Variants in RGS6 observed in about 807,000 individuals in gnomAD.
The protein encoded by RGS6 is regulator of G-protein signaling 6.
Under a neutral mutation model 78.5 loss-of-function variants are expected in RGS6, and 30 were observed. That is an observed-to-expected ratio of 0.38 (90% confidence interval 0.29 to 0.52). RGS6 has a LOEUF of 0.52. Ranked by LOEUF, RGS6 falls within the 20% of genes least tolerant of loss-of-function variation. The pLI is 0.85. For synonymous variants in RGS6, 206 were observed against 206.0 expected, an observed-to-expected ratio of 1.00 and a Z score of 0.00; for missense variants, 495 against 609.7, an observed-to-expected ratio of 0.81 and a Z score of 1.98.
At chr14:72,161,157 C>T (rs370660153) in intron 2 of RGS6, among the ~76,000 whole-genome samples, 11 of 152,148 alleles carry the variant, frequency 7.2e-5, no homozygotes, top group East Asian at 3.9e-4. Context: ...AACCAAACAC[C>T]GCATGTTCTC....
the RGS6 span, among the ~76,000 whole-genome samples, chr14:71,925,752 C>T: frequency 0.18 from 23,223 of 132,214 alleles, 2,039 homozygotes; most frequent in African/African-American, 0.28. Context: ...GGTTTATTTC[C>T]GGGCTTCCTC....
At chr14:72,238,604 C>T (rs1207850237) in intron 2 of RGS6, among the ~76,000 whole-genome samples, 1 of 152,034 alleles carries the variant, frequency 6.6e-6, no homozygotes, top group African/African-American at 2.4e-5. Context: ...CTTGTTTTCT[C>T]AGTGTGTATA....
At chr14:72,376,852 C>T (rs747336032) in intron 3 of RGS6, among the ~76,000 whole-genome samples, 22 of 151,856 alleles carry the variant, frequency 1.4e-4, no homozygotes, top group East Asian at 1.9e-4. Context: ...CATCTAGAAG[C>T]GAAAAGACAA....
At chr14:72,625,760 A>G in the RGS6 span, among the ~76,000 whole-genome samples, 2 of 152,224 alleles carry the variant, frequency 1.3e-5, no homozygotes, top group Non-Finnish European at 2.9e-5. Flanking sequence ...AACACATTGT[A>G]TGTAAAATCA....
intron 4 of RGS6, among the ~76,000 whole-genome samples, chr14:72,457,760 A>C (rs2095668994): frequency 6.6e-6 from 1 of 152,166 alleles, no homozygotes; most frequent in African/African-American, 2.4e-5. Flanking sequence ...TCTGTCCATA[A>C]GAGAAGGGTG....
chr14:71,870,117 A>G, the RGS6 span, among the ~76,000 whole-genome samples: 9 of 152,326 alleles, frequency 5.9e-5, no homozygotes, highest in Admixed American at 5.9e-4. Flanking sequence ...TCTTTTGGGC[A>G]TCACCCAATC....
intron 2 of RGS6, among the ~76,000 whole-genome samples, chr14:72,235,035 C>G (rs74824797): frequency 0.014 from 2,202 of 152,174 alleles, 28 homozygotes; most frequent in Non-Finnish European, 0.021. Context: ...TTTCCTAGCT[C>G]CCATTGCCAT....
intron 8 of RGS6, among the ~76,000 whole-genome samples, chr14:72,472,163 C>G (rs7160487): frequency 0.017 from 1,682 of 96,446 alleles, 13 homozygotes; most frequent in African/African-American, 0.048. Context: ...GTAATACATG[C>G]TTTTTTAAGA....
chr14:72,606,738 T>C, the RGS6 span, among the ~76,000 whole-genome samples: 1 of 152,126 alleles, frequency 6.6e-6, no homozygotes, highest in African/African-American at 2.4e-5. Context: ...TAGTGGGAAG[T>C]GTTTGGGTCG....
At chr14:71,976,204 CTTTTCTTTCTTTT>C (rs2094115443) in intron 2 of RGS6, among the ~76,000 whole-genome samples, 1 of 148,488 alleles carries the variant, frequency 6.7e-6, no homozygotes, top group African/African-American at 2.5e-5. Context: ...TTCTACTAAC[CTTTTCTTTCTTTT>C]TTTTCTTTTT....
rs138696553 is a variant in RGS6 at position 72,168,621 on chromosome 14, TAATTA to T, written c.85-183468_85-183464del. 2.7e-3 allele frequency among the ~76,000 whole-genome samples: 415 copies of T among 152,350 alleles called. 1 individual carries two copies. Among genetic ancestry groups the T allele is most frequent in the African/African-American group, 9.7e-3 (403 of 41,576 alleles). ...ATACTATTGGGTTAAATAAAATATA[TAATTA>T]AATTAGTTCTAACTGTTTTTTTCTA... is the stretch of plus-strand genomic sequence containing the variant. On this transcript the variant is annotated intron_variant, in intron 2 of 17. Transcript: ENST00000553525.
chr14:71,909,341 C>A, the RGS6 span, among the ~76,000 whole-genome samples: 142 of 152,234 alleles, frequency 9.3e-4, 1 homozygote, highest in African/African-American at 3.3e-3. Flanking sequence ...GTATCGGGAC[C>A]CTCTCTTCGG....
At chr14:71,911,911 A>G in the RGS6 span, among the ~76,000 whole-genome samples, 2 of 152,198 alleles carry the variant, frequency 1.3e-5, no homozygotes, top group Non-Finnish European at 2.9e-5. Context: ...ATGAATATTC[A>G]TGAAGGGGGC....
rs533252784 is a variant in RGS6 at position 72,098,560 on chromosome 14, T to C, written c.84+133685T>C. Among the ~76,000 whole-genome samples, 5 of 152,346 alleles carry C rather than the reference T, an allele frequency of 3.3e-5. No homozygotes were observed. In the South Asian group the frequency reaches 6.2e-4, roughly 19 times the overall value. Reference sequence around the variant, plus strand: ...TTGGACCAAATTTTTCTTGCAGATATATTTTGATTGACAGGCACAGGATTT... The same window carrying C: ...TTGGACCAAATTTTTCTTGCAGATACATTTTGATTGACAGGCACAGGATTT... On this transcript the variant is annotated intron_variant, in intron 2 of 17. Transcript: ENST00000553525.
intron 3 of RGS6, among the ~76,000 whole-genome samples, chr14:72,371,651 C>T (rs549680050): frequency 2.6e-5 from 4 of 152,258 alleles, no homozygotes; most frequent in African/African-American, 4.8e-5. Flanking sequence ...ATCCTAGCTG[C>T]TCAGGAGGCT....
intron 2 of RGS6, among the ~76,000 whole-genome samples, chr14:72,146,123 T>G (rs2096603916): frequency 1.3e-5 from 2 of 152,136 alleles, no homozygotes; most frequent in South Asian, 4.1e-4. Flanking sequence ...AGAGCACACA[T>G]GCCACAGAGA....
intron 1 of RGS6, among the ~76,000 whole-genome samples, chr14:71,938,726 A>C (rs192999314): frequency 2.0e-5 from 3 of 152,250 alleles, no homozygotes; most frequent in African/African-American, 7.2e-5. Context: ...TGCACAACCC[A>C]CTTTATGGCT....
the RGS6 span, among the ~76,000 whole-genome samples, chr14:72,591,760 ACACC>A: frequency 6.6e-6 from 1 of 152,234 alleles, no homozygotes. Flanking sequence ...AAGAGAATAA[ACACC>A]CACACATAAA....
intron 2 of RGS6, among the ~76,000 whole-genome samples, chr14:72,259,910 CAAAAAAAA>C (rs11287556): frequency 1.5e-5 from 1 of 68,410 alleles, no homozygotes; most frequent in Non-Finnish European, 2.3e-5. Flanking sequence ...GACTCCGTCT[CAAAAAAAA>C]AAAAAAAAAA....
Sources: gnomAD v4.1 joint callset for allele counts (sites outside exome capture counted in the v4.1 genomes callset) on GRCh38, gnomAD v4.1.1 for gene constraint, MANE v1.5 for transcripts, NCBI Gene and HGNC (gene_info 2026-07-23, HGNC 2026-07-21) for gene names.